ME2: variants seen among roughly 807,000 people sequenced by gnomAD.
The protein encoded by ME2 is NAD-dependent malic enzyme, mitochondrial.
A neutral mutation model predicts 73.7 loss-of-function variants in ME2; 60 were observed. The ratio of observed to expected loss-of-function variants is 0.81; its 90% CI spans 0.66 to 1.01. The LOEUF is 1.01. Ranked by LOEUF, ME2 falls within the 50% of genes least tolerant of loss-of-function variation. ME2 has a pLI of 0.00. For synonymous variants in ME2, 199 were observed against 236.9 expected, an observed-to-expected ratio of 0.84 and a Z score of 1.47; for missense variants, 594 against 705.5, an observed-to-expected ratio of 0.84 and a Z score of 1.79.
At position 50,952,172 on chromosome 18, in the gene ME2, A is replaced by G. The variant is rs1158839026; in HGVS notation, c.*4988A>G. 1 of 152,212 alleles carries G rather than the reference A, an allele frequency of 6.6e-6. No individual in the cohort carries two copies. The highest frequency in any genetic ancestry group is 2.4e-5 in the African/African-American group (1 of 41,460). 9.4% of individuals were successfully genotyped at this position (152,212 alleles called of 1,614,324 possible). A position where few individuals can be genotyped will look rare whatever the true frequency, so the allele number is the denominator to read the frequency against. ...ATGAAACTCTCTACAGGTGAGCTGA[A>G]GTAACATACTTCATATTTAAAAAGT... On this transcript the variant is annotated 3_prime_UTR_variant, in exon 16 of 16. Coordinates refer to ENST00000321341, the MANE Select transcript of ME2 (RefSeq NM_002396.5).
At chr18:50,898,316 C>A (rs1916801698) in intron 2 of ME2, among the ~76,000 whole-genome samples, 1 of 152,172 alleles carries the variant, frequency 6.6e-6, no homozygotes. Context: ...ACAATTTTAA[C>A]TATTTAAAAG....
intron 1 of ME2, among the ~76,000 whole-genome samples, chr18:50,880,876 A>G (rs1359686299): frequency 2.0e-5 from 3 of 152,202 alleles, no homozygotes; most frequent in African/African-American, 2.4e-5. Flanking sequence ...GTCTTTTAAT[A>G]TATTTATGAA....
chr18:50,890,304 A>G (rs1049085055), intron 1 of ME2, among the ~76,000 whole-genome samples: 2 of 152,120 alleles, frequency 1.3e-5, no homozygotes, highest in African/African-American at 4.8e-5. Context: ...TGTAGAGACA[A>G]GGTCTTACTA....
chr18:50,899,534 T>C (rs1460209684), intron 2 of ME2, among the ~76,000 whole-genome samples: 1 of 152,182 alleles, frequency 6.6e-6, no homozygotes, highest in Admixed American at 6.5e-5. Flanking sequence ...GGAGGATCAC[T>C]TGAGCCCAGG....
intron 11 of ME2, among the ~76,000 whole-genome samples, chr18:50,924,720 AGAGT>A: frequency 6.6e-6 from 1 of 150,878 alleles, no homozygotes; most frequent in South Asian, 2.1e-4. Context: ...TTTTTGAGAC[AGAGT>A]CTCACTCTGT....
At chr18:50,901,708 T>C (rs1200587869) in intron 2 of ME2, among the ~76,000 whole-genome samples, 1 of 152,242 alleles carries the variant, frequency 6.6e-6, no homozygotes, top group Non-Finnish European at 1.5e-5. Context: ...AACTCTAAAC[T>C]ATGTACATAG....
intron 1 of ME2, among the ~76,000 whole-genome samples, chr18:50,887,644 G>T (rs1916503013): frequency 6.6e-6 from 1 of 152,152 alleles, no homozygotes; most frequent in Non-Finnish European, 1.5e-5. Flanking sequence ...TCTACCTGAG[G>T]TATGTAACCA....
chr18:50,883,873 A>T (rs996424985), intron 1 of ME2, among the ~76,000 whole-genome samples: 1 of 152,124 alleles, frequency 6.6e-6, no homozygotes, highest in East Asian at 1.9e-4. Flanking sequence ...AAAAACAAAA[A>T]AAGAAACTCT....
intron 12 of ME2, among the ~76,000 whole-genome samples, chr18:50,929,499 A>AC (rs2144252705): frequency 6.6e-6 from 1 of 151,666 alleles, no homozygotes; most frequent in South Asian, 2.1e-4. Context: ...AAAAAAAAAA[A>AC]AACCAACAAA....
At chr18:50,886,829 C>T (rs1049241798) in intron 1 of ME2, among the ~76,000 whole-genome samples, 49 of 152,010 alleles carry the variant, frequency 3.2e-4, no homozygotes, top group African/African-American at 8.0e-4. Flanking sequence ...AGAGAGACCC[C>T]GTCTCTACCA....
intron 12 of ME2, among the ~76,000 whole-genome samples, chr18:50,931,311 C>T (rs1917684346): frequency 6.6e-6 from 1 of 152,160 alleles, no homozygotes; most frequent in Admixed American, 6.5e-5. Context: ...TTATAAACTG[C>T]CTACTGCTGG....
intron 1 of ME2, among the ~76,000 whole-genome samples, chr18:50,886,474 C>T (rs927782685): frequency 1.3e-5 from 2 of 152,020 alleles, no homozygotes; most frequent in Admixed American, 1.3e-4. Context: ...GAACTCCTGA[C>T]CTCAAGTGAT....
intron 2 of ME2, among the ~76,000 whole-genome samples, chr18:50,902,745 C>A (rs1233821711): frequency 2.0e-5 from 3 of 152,164 alleles, no homozygotes; most frequent in Non-Finnish European, 4.4e-5. Context: ...AGTATACTTA[C>A]TTTTAAGATT....
intron 2 of ME2, among the ~76,000 whole-genome samples, chr18:50,898,622 G>A (rs530973945): frequency 3.9e-5 from 6 of 152,172 alleles, no homozygotes; most frequent in East Asian, 1.9e-4. Context: ...TTGTAGAGAT[G>A]AGGTCTTGCC....
chr18:50,902,122 A>G (rs114169414), intron 2 of ME2, among the ~76,000 whole-genome samples: 7 of 152,350 alleles, frequency 4.6e-5, no homozygotes, highest in African/African-American at 1.7e-4. Flanking sequence ...GTAAATACCT[A>G]TGCAAACCAT....
intron 12 of ME2, among the ~76,000 whole-genome samples, chr18:50,930,900 A>G (rs1917677280): frequency 1.3e-5 from 2 of 152,236 alleles, no homozygotes; most frequent in South Asian, 4.1e-4. Flanking sequence ...ATAGGTAGAA[A>G]ATGATATAAC....
rs753838703 is a variant in ME2 at position 50,920,502 on chromosome 18, A to G, written c.781A>G (p.Asn261Asp). The G allele has an allele frequency of 9.4e-6, 15 of 1,601,272 alleles. No homozygotes were observed. In the African/African-American group the frequency reaches 1.8e-4, roughly 19 times the overall value. The stretch of plus-strand genomic sequence containing the variant: ...TCAGTTCGAAGACTTTGGAAATCAT[A>G]ATGCATTCAGGTTCTTGAGAAAGTA... The part of the protein sequence containing the change: ...LIQFEDFGNH[N>D]AFRFLRKYRE... Residue 261 changes from asparagine (N) to aspartate (D), a missense_variant, in exon 8 of 16, where the codon AAT becomes GAT. Asn to Asp is a conservative substitution (Grantham distance 23). Transcript: ENST00000321341.
intron 4 of ME2, among the ~76,000 whole-genome samples, chr18:50,913,594 A>G (rs1917210437): frequency 6.6e-6 from 1 of 151,562 alleles, no homozygotes; most frequent in Non-Finnish European, 1.5e-5. Context: ...CAGCCTCCCA[A>G]AGTGCTGGGA....
At chr18:50,941,063 G>A (rs1163458372) in intron 15 of ME2, among the ~76,000 whole-genome samples, 1 of 151,688 alleles carries the variant, frequency 6.6e-6, no homozygotes, top group Non-Finnish European at 1.5e-5. Context: ...TTCGAGACCA[G>A]CCCAGCCAAC....
Sources: gnomAD v4.1 joint callset for allele counts (sites outside exome capture counted in the v4.1 genomes callset) on GRCh38, gnomAD v4.1.1 for gene constraint, MANE v1.5 for transcripts, NCBI Gene and HGNC (gene_info 2026-07-23, HGNC 2026-07-21) for gene names.